B3GALT1: variants seen among roughly 807,000 people sequenced by gnomAD.
B3GALT1 encodes beta-1,3-galactosyltransferase 1.
In B3GALT1, 10 loss-of-function variants were observed where a neutral mutation model predicts 23.2. That is an observed-to-expected ratio of 0.43 (90% CI 0.27 to 0.73). The LOEUF (loss-of-function observed/expected upper bound fraction) is 0.73. Ranked by LOEUF, B3GALT1 falls within the 30% of genes least tolerant of loss-of-function variation. The pLI, the probability that B3GALT1 is intolerant of heterozygous loss-of-function variation, is 0.21. For synonymous variants in B3GALT1, 156 were observed against 141.5 expected, an observed-to-expected ratio of 1.10 and a Z score of -0.73; for missense variants, 299 against 405.4, an observed-to-expected ratio of 0.74 and a Z score of 2.25.
chr2:167,568,200 G>A (rs926259164), intron 2 of B3GALT1, among the ~76,000 whole-genome samples: 1 of 151,986 alleles, frequency 6.6e-6, no homozygotes. Context: ...TCTTTGTGTG[G>A]ATATTAGTTT....
chr2:167,453,854 C>T (rs1699125793), intron 1 of B3GALT1, among the ~76,000 whole-genome samples: 2 of 152,206 alleles, frequency 1.3e-5, no homozygotes. Context: ...ATTGAATTTT[C>T]CTGTCTGTCA....
chr2:167,498,580 A>G (rs997405771), intron 2 of B3GALT1, among the ~76,000 whole-genome samples: 1 of 152,176 alleles, frequency 6.6e-6, no homozygotes, highest in African/African-American at 2.4e-5. Flanking sequence ...TGAAAGAAGT[A>G]GGAGATCAGA....
chr2:167,626,096 G>C (rs1685338361), intron 2 of B3GALT1, among the ~76,000 whole-genome samples: 1 of 150,902 alleles, frequency 6.6e-6, no homozygotes, highest in Admixed American at 6.6e-5. Flanking sequence ...AAAAGAAAAA[G>C]AGAAGGTGAT....
chr2:167,605,503 T>C (rs1029305057), intron 2 of B3GALT1, among the ~76,000 whole-genome samples: 1 of 152,176 alleles, frequency 6.6e-6, no homozygotes, highest in Non-Finnish European at 1.5e-5. Context: ...CCGAGTGCCT[T>C]GTGTCTCCTC....
At chr2:167,559,018 C>G (rs1683910565) in intron 2 of B3GALT1, among the ~76,000 whole-genome samples, 2 of 152,262 alleles carry the variant, frequency 1.3e-5, no homozygotes, top group Admixed American at 6.5e-5. Context: ...AAGTGGGTCC[C>G]TGACCCATGT....
chr2:167,756,063 G>T (rs1687811142), intron 3 of B3GALT1, among the ~76,000 whole-genome samples: 1 of 152,064 alleles, frequency 6.6e-6, no homozygotes, highest in Admixed American at 6.6e-5. Context: ...CATAATGTTA[G>T]AACTACATGA....
chr2:167,852,781 T>A (rs1193790298), intron 4 of B3GALT1, among the ~76,000 whole-genome samples: 1 of 152,162 alleles, frequency 6.6e-6, no homozygotes, highest in Non-Finnish European at 1.5e-5. Flanking sequence ...TTCTATGATA[T>A]CTCAGCAAAG....
chr2:167,299,474 A>G (rs1696411267), intron 1 of B3GALT1, among the ~76,000 whole-genome samples: 2 of 152,190 alleles, frequency 1.3e-5, no homozygotes, highest in African/African-American at 4.8e-5. Flanking sequence ...TTATTTTTAT[A>G]AAATAGTGAT....
chr2:167,624,991 A>G (rs529958735), intron 2 of B3GALT1, among the ~76,000 whole-genome samples: 6 of 152,114 alleles, frequency 3.9e-5, no homozygotes, highest in African/African-American at 1.4e-4. Flanking sequence ...GTCAAATTTC[A>G]TTCCATAAAG....
chr2:167,482,874 A>G (rs1032167768), intron 1 of B3GALT1, among the ~76,000 whole-genome samples: 4 of 152,040 alleles, frequency 2.6e-5, no homozygotes, highest in Non-Finnish European at 5.9e-5. Context: ...CTCTGTGCTT[A>G]TATCTCTCAC....
intron 4 of B3GALT1, among the ~76,000 whole-genome samples, chr2:167,832,828 A>T (rs1689379320): frequency 1.3e-5 from 2 of 152,240 alleles, no homozygotes; most frequent in African/African-American, 4.8e-5. Flanking sequence ...TAGTAGTTAA[A>T]TGTACAAAGC....
At chr2:167,830,621 G>C (rs538655433) in intron 4 of B3GALT1, among the ~76,000 whole-genome samples, 1 of 152,176 alleles carries the variant, frequency 6.6e-6, no homozygotes, top group Non-Finnish European at 1.5e-5. Context: ...ATGCTCAGCT[G>C]TTTCCTCTGT....
intron 1 of B3GALT1, among the ~76,000 whole-genome samples, chr2:167,294,286 C>T (rs1433476169): frequency 1.3e-5 from 2 of 152,216 alleles, no homozygotes; most frequent in African/African-American, 2.4e-5. Context: ...AGTTCAGGCC[C>T]GCTGGGGTCT....
intron 4 of B3GALT1, among the ~76,000 whole-genome samples, chr2:167,831,378 T>C (rs1689347984): frequency 6.6e-6 from 1 of 152,238 alleles, no homozygotes; most frequent in African/African-American, 2.4e-5. Context: ...GAGTAATTAC[T>C]ATGTAATCAC....
intron 3 of B3GALT1, among the ~76,000 whole-genome samples, chr2:167,688,775 C>G (rs1005133273): frequency 6.6e-6 from 1 of 151,870 alleles, no homozygotes; most frequent in African/African-American, 2.4e-5. Flanking sequence ...CAAATTTGAC[C>G]CAAAACCCCA....
intron 2 of B3GALT1, among the ~76,000 whole-genome samples, chr2:167,633,856 C>A (rs12987278): frequency 0.44 from 66,901 of 152,036 alleles, 19,026 homozygotes; most frequent in Non-Finnish European, 0.65. Flanking sequence ...TAATAGACAT[C>A]TACAGAACTC....
At chr2:167,372,246 C>A (rs1697697300) in intron 1 of B3GALT1, among the ~76,000 whole-genome samples, 1 of 152,026 alleles carries the variant, frequency 6.6e-6, no homozygotes, top group South Asian at 2.1e-4. Flanking sequence ...ATAAAAGGAT[C>A]ATCTCAATTA....
chr2:167,608,186 G>C (rs1441785753), intron 2 of B3GALT1, among the ~76,000 whole-genome samples: 4 of 152,080 alleles, frequency 2.6e-5, no homozygotes, highest in Non-Finnish European at 5.9e-5. Context: ...ACAAAAGAAA[G>C]ACGAATTAAC....
intron 1 of B3GALT1, among the ~76,000 whole-genome samples, chr2:167,327,380 C>G (rs930411889): frequency 6.6e-6 from 1 of 152,096 alleles, no homozygotes; most frequent in Non-Finnish European, 1.5e-5. Flanking sequence ...TCTTCTGATC[C>G]ATGAATATAG....
Sources: allele counts gnomAD v4.1 joint callset (sites outside exome capture counted in the v4.1 genomes callset), GRCh38; gene constraint gnomAD v4.1.1; transcripts MANE v1.5; gene names NCBI Gene and HGNC (gene_info 2026-07-23, HGNC 2026-07-21).